KCNU1: variants seen among roughly 807,000 people sequenced by gnomAD.
KCNU1 encodes potassium calcium-activated channel subfamily U member 1.
In KCNU1, 93 loss-of-function variants were observed where a neutral mutation model predicts 126.8. The ratio of observed to expected loss-of-function variants is 0.73; its 90% CI spans 0.62 to 0.87. KCNU1 has a LOEUF of 0.87. Ranked by LOEUF, KCNU1 falls within the 40% of genes least tolerant of loss-of-function variation. The pLI is 0.00. For missense variants in KCNU1, 1,330 were observed against 1,367.1 expected (o/e 0.97, Z 0.43); for synonymous variants, 523 against 494.2 (o/e 1.06, Z -0.77).
At chr8:36,846,310 C>T (rs1348023620) in intron 18 of KCNU1, among the ~76,000 whole-genome samples, 1 of 152,152 alleles carries the variant, frequency 6.6e-6, no homozygotes, top group East Asian at 1.9e-4. Flanking sequence ...TACCTCATGA[C>T]CATACCTTAA....
intron 19 of KCNU1, among the ~76,000 whole-genome samples, chr8:36,867,002 T>C (rs143024850): frequency 1.3e-5 from 2 of 152,222 alleles, no homozygotes; most frequent in Non-Finnish European, 2.9e-5. Context: ...GTACAAATAT[T>C]ATGCATCAGT....
chr8:36,881,337 C>G (rs1806470139), intron 19 of KCNU1, among the ~76,000 whole-genome samples: 1 of 152,144 alleles, frequency 6.6e-6, no homozygotes, highest in Non-Finnish European at 1.5e-5. Context: ...ATCCTCCCAC[C>G]TCAGCCTCTG....
chr8:36,787,143 G>A lies in KCNU1; in HGVS notation c.196-163G>A, dbSNP rs536556320. ...GGAAAATGCAAACCCAGTAAAATCC[G>A]TTTTATGAAATATTGAATAAGCAAC... On this transcript the variant is annotated intron_variant, in intron 1 of 26. Transcript: ENST00000399881. Among the ~76,000 whole-genome samples the A allele has an allele frequency of 9.9e-5, 15 of 152,274 alleles. No individual in the cohort carries two copies. In the East Asian group the frequency reaches 2.3e-3, roughly 24 times the overall value.
chr8:36,811,647 A>G (rs938858853), intron 7 of KCNU1, among the ~76,000 whole-genome samples: 3 of 152,202 alleles, frequency 2.0e-5, no homozygotes, highest in Non-Finnish European at 1.5e-5. Flanking sequence ...AAGTAGTGGT[A>G]GTGGCTGGGC....
intron 24 of KCNU1, among the ~76,000 whole-genome samples, chr8:36,929,813 G>C (rs2117610700): frequency 6.6e-6 from 1 of 152,234 alleles, no homozygotes; most frequent in African/African-American, 2.4e-5. Context: ...CTGGTTTCGT[G>C]TCAGGATACT....
intron 19 of KCNU1, among the ~76,000 whole-genome samples, chr8:36,894,217 G>A (rs1021094932): frequency 6.6e-6 from 1 of 152,188 alleles, no homozygotes; most frequent in Admixed American, 6.5e-5. Flanking sequence ...AAAGTATACT[G>A]TGGTAAAAGA....
intron 25 of KCNU1, among the ~76,000 whole-genome samples, chr8:36,932,114 A>T (rs1808720212): frequency 6.6e-6 from 1 of 152,142 alleles, no homozygotes; most frequent in Non-Finnish European, 1.5e-5. Context: ...GTGTGCTGCC[A>T]AAAGGGGCAG....
chr8:36,840,144 T>C (rs1338754253), intron 14 of KCNU1, among the ~76,000 whole-genome samples: 3 of 152,208 alleles, frequency 2.0e-5, no homozygotes, highest in Non-Finnish European at 4.4e-5. Context: ...TCCCATCTGA[T>C]TCTTACTAAC....
At chr8:36,796,254 G>T (rs922955370) in intron 2 of KCNU1, among the ~76,000 whole-genome samples, 2 of 152,152 alleles carry the variant, frequency 1.3e-5, no homozygotes, top group Admixed American at 1.3e-4. Context: ...TATGGTCCAA[G>T]AATGTCAAAG....
chr8:36,835,275 A>G (rs1368545795), intron 12 of KCNU1, among the ~76,000 whole-genome samples: 1 of 152,118 alleles, frequency 6.6e-6, no homozygotes, highest in Admixed American at 6.6e-5. Context: ...AGTTGTGGTG[A>G]AAGATTATGC....
At chr8:36,809,857 T>C (rs142028831) in intron 7 of KCNU1, among the ~76,000 whole-genome samples, 1 of 152,338 alleles carries the variant, frequency 6.6e-6, no homozygotes, top group Admixed American at 6.5e-5. Flanking sequence ...AGCATATTAC[T>C]ATATTTGACC....
intron 10 of KCNU1, among the ~76,000 whole-genome samples, chr8:36,829,078 TC>T (rs1244312361): frequency 6.6e-6 from 1 of 152,110 alleles, no homozygotes; most frequent in Non-Finnish European, 1.5e-5. Context: ...GACATACTCA[TC>T]CATGTGTTTT....
chr8:36,919,791 G>A (rs911165058), intron 23 of KCNU1, among the ~76,000 whole-genome samples: 1 of 152,218 alleles, frequency 6.6e-6, no homozygotes, highest in Non-Finnish European at 1.5e-5. Context: ...CATTTTATGA[G>A]CAAGATTACC....
chr8:36,836,292 A>G lies in KCNU1; in HGVS notation c.1296-4A>G, dbSNP rs1804744452. ...ACTAATGAGAGTGTTTGGGGTTTAT[A>G]TAGGGTGCTCTCTATCAAGAACTAT... On this transcript the variant is annotated splice_polypyrimidine_tract_variant and splice_region_variant and intron_variant, in intron 12 of 26. Transcript: ENST00000399881. 5.0e-6 allele frequency: 8 copies of G among 1,592,230 alleles called. No individual in the cohort carries two copies. Among genetic ancestry groups the G allele is most frequent in the South Asian group, 1.1e-5 (1 of 90,656 alleles).
chr8:36,784,488 A>G lies in KCNU1; in HGVS notation c.78A>G (p.Ala26=), dbSNP rs746890397. The G allele has an allele frequency of 1.9e-6, 3 of 1,613,948 alleles. No homozygotes were observed. The highest frequency in any genetic ancestry group is 3.3e-5 in the Admixed American group (2 of 60,024). The change falls in exon 1 of 27, where the codon GCA becomes GCG. Residue 26 remains alanine (A), a synonymous_variant. Transcript: ENST00000399881. ...KMSCTTEIQA[A]FILSSFVTFF... ...CCTGCACAACTGAGATCCAAGCAGC[A>G]TTCATTCTCTCTTCCTTTGTGACCT...
intron 24 of KCNU1, among the ~76,000 whole-genome samples, chr8:36,924,232 G>GTAGCTTGCAAAATTTTC (rs1239529994): frequency 3.9e-5 from 6 of 152,190 alleles, no homozygotes; most frequent in Non-Finnish European, 8.8e-5. Context: ...ATTTTCAAGG[G>GTAGCTTGCAAAATTTTC]AAGAGCTGCA....
intron 18 of KCNU1, among the ~76,000 whole-genome samples, chr8:36,861,635 G>A (rs1248060641): frequency 6.6e-6 from 1 of 152,124 alleles, no homozygotes; most frequent in Non-Finnish European, 1.5e-5. Flanking sequence ...ATGTCACAAT[G>A]AGTGGTAAAG....
At position 36,785,607 on chromosome 8, in the gene KCNU1, T is replaced by C. The variant is rs187691298; in HGVS notation, c.195+1002T>C. ...CTAAACAAGTTTATTCTATTGATTA[T>C]TTCTACATTATGGATTTTAAGCTGT... On this transcript the variant is annotated intron_variant, in intron 1 of 26. Coordinates refer to ENST00000399881, the MANE Select transcript of KCNU1 (RefSeq NM_001031836.3). 2.4e-3 allele frequency among the ~76,000 whole-genome samples: 370 copies of C among 152,348 alleles called. 3 individuals carry two copies. The highest frequency in any genetic ancestry group is 8.5e-3 in the African/African-American group (355 of 41,588).
intron 26 of KCNU1, among the ~76,000 whole-genome samples, chr8:36,934,943 GT>G (rs911598792): frequency 6.6e-6 from 1 of 152,056 alleles, no homozygotes; most frequent in Admixed American, 6.6e-5. Flanking sequence ...AAATGAAACT[GT>G]TTTTTTCTAA....
Sources: gnomAD v4.1 joint callset for allele counts (sites outside exome capture counted in the v4.1 genomes callset) on GRCh38, gnomAD v4.1.1 for gene constraint, MANE v1.5 for transcripts, NCBI Gene and HGNC (gene_info 2026-07-23, HGNC 2026-07-21) for gene names.